Variants in CSMD1 observed in about 807,000 individuals in gnomAD.
CSMD1 encodes the protein CUB and sushi domain-containing protein 1.
In CSMD1, 213 loss-of-function variants were observed where a neutral mutation model predicts 417.5. That is an observed-to-expected ratio of 0.51 (90% CI 0.46 to 0.57). The LOEUF (loss-of-function observed/expected upper bound fraction) is 0.57. Ranked by LOEUF, CSMD1 falls within the 20% of genes least tolerant of loss-of-function variation. The pLI, the probability that CSMD1 is intolerant of heterozygous loss-of-function variation, is 0.00. For synonymous variants in CSMD1, 2,862 were observed against 1,736.8 expected (o/e 1.65, Z -16.11); for missense variants, 6,923 against 4,529.7 (o/e 1.53, Z -15.17).
At chr8:4,829,646 G>C (rs1800029510) in intron 1 of CSMD1, among the ~76,000 whole-genome samples, 1 of 151,580 alleles carries the variant, frequency 6.6e-6, no homozygotes, top group Non-Finnish European at 1.5e-5. Context: ...AGGCTGAGGA[G>C]GGGGGATCGC....
At chr8:3,958,936 T>A (rs1353054224) in intron 5 of CSMD1, among the ~76,000 whole-genome samples, 1 of 152,158 alleles carries the variant, frequency 6.6e-6, no homozygotes, top group African/African-American at 2.4e-5. Context: ...CAACTCACAT[T>A]TTTTGAGCCC....
At chr8:3,933,874 C>T (rs1336024864) in intron 5 of CSMD1, among the ~76,000 whole-genome samples, 1 of 152,028 alleles carries the variant, frequency 6.6e-6, no homozygotes, top group Non-Finnish European at 1.5e-5. Context: ...TCACATTTAA[C>T]AAAGCTTTAT....
At chr8:4,836,677 T>G (rs529347329) in intron 1 of CSMD1, among the ~76,000 whole-genome samples, 1 of 152,306 alleles carries the variant, frequency 6.6e-6, no homozygotes, top group Admixed American at 6.5e-5. Context: ...TTTAGTTTTT[T>G]ATTCATCTCG....
chr8:3,022,255 G>A (rs1375854679), intron 51 of CSMD1, among the ~76,000 whole-genome samples: 1 of 144,718 alleles, frequency 6.9e-6, no homozygotes, highest in African/African-American at 2.6e-5. Context: ...CATCTGGAAT[G>A]CACCCGCAAT....
chr8:4,921,473 G>C (rs1198350574), intron 1 of CSMD1, among the ~76,000 whole-genome samples: 1 of 152,166 alleles, frequency 6.6e-6, no homozygotes, highest in Non-Finnish European at 1.5e-5. Context: ...ACTGTCCCCT[G>C]AAAACACAGT....
intron 3 of CSMD1, among the ~76,000 whole-genome samples, chr8:4,097,914 G>C (rs562492105): frequency 7.7e-4 from 118 of 152,274 alleles, no homozygotes; most frequent in Admixed American, 1.5e-3. Context: ...GGAAGAAAAA[G>C]AGCATCATAT....
intron 7 of CSMD1, among the ~76,000 whole-genome samples, chr8:3,688,305 C>A (rs1321410981): frequency 2.6e-5 from 4 of 152,000 alleles, no homozygotes; most frequent in Admixed American, 2.6e-4. Flanking sequence ...GTGTAAAGGA[C>A]CAATTTTAAA....
At chr8:4,867,135 TATTA>T (rs1456569252) in intron 1 of CSMD1, among the ~76,000 whole-genome samples, 8 of 152,064 alleles carry the variant, frequency 5.3e-5, no homozygotes, top group Non-Finnish European at 1.2e-4. Context: ...ACTACACACA[TATTA>T]TTTATATTTA....
chr8:3,921,159 G>C (rs1456505323), intron 5 of CSMD1, among the ~76,000 whole-genome samples: 1 of 152,106 alleles, frequency 6.6e-6, no homozygotes, highest in African/African-American at 2.4e-5. Flanking sequence ...TTGACCCTTT[G>C]AGATTTTCTG....
intron 5 of CSMD1, among the ~76,000 whole-genome samples, chr8:3,995,803 AT>A (rs1441907994): frequency 6.6e-6 from 1 of 152,210 alleles, no homozygotes; most frequent in African/African-American, 2.4e-5. Context: ...AATCATGGCT[AT>A]TTGAAGAGAG....
At chr8:4,347,868 T>A (rs1459821735) in intron 3 of CSMD1, among the ~76,000 whole-genome samples, 4 of 152,054 alleles carry the variant, frequency 2.6e-5, no homozygotes, top group East Asian at 1.9e-4. Context: ...TCAGAGGTAA[T>A]TTCCAAAGTT....
intron 1 of CSMD1, among the ~76,000 whole-genome samples, chr8:4,769,016 G>A (rs556995078): frequency 6.6e-6 from 1 of 152,260 alleles, no homozygotes; most frequent in Non-Finnish European, 1.5e-5. Flanking sequence ...ATACCTGACT[G>A]TAAGGTACTA....
At chr8:3,287,606 C>G (rs1240883361) in intron 25 of CSMD1, among the ~76,000 whole-genome samples, 2 of 152,108 alleles carry the variant, frequency 1.3e-5, no homozygotes, top group East Asian at 3.9e-4. Flanking sequence ...CTCTGTTTGT[C>G]TGTTATTGGC....
At chr8:3,667,984 C>T (rs932112485) in intron 7 of CSMD1, among the ~76,000 whole-genome samples, 2 of 152,110 alleles carry the variant, frequency 1.3e-5, no homozygotes, top group South Asian at 2.1e-4. Context: ...GCCCCAATCC[C>T]GATCAATATG....
At chr8:4,396,083 C>T (rs1425083147) in intron 3 of CSMD1, among the ~76,000 whole-genome samples, 1 of 151,984 alleles carries the variant, frequency 6.6e-6, no homozygotes, top group African/African-American at 2.4e-5. Flanking sequence ...CTGTCTTATA[C>T]CATCTCCATT....
intron 4 of CSMD1, among the ~76,000 whole-genome samples, chr8:4,017,092 C>A (rs1431658816): frequency 1.3e-5 from 2 of 152,192 alleles, no homozygotes; most frequent in Non-Finnish European, 2.9e-5. Flanking sequence ...TACTCAGTGA[C>A]CGCGGTGTTC....
At chr8:3,605,325 C>T (rs1801559342) in intron 8 of CSMD1, among the ~76,000 whole-genome samples, 1 of 152,182 alleles carries the variant, frequency 6.6e-6, no homozygotes, top group Non-Finnish European at 1.5e-5. Flanking sequence ...ACCACATTTA[C>T]TCCCTGGTTT....
Position 4,209,006 on chromosome 8 carries a change from G to A in CSMD1, c.416-176907C>T, listed in dbSNP as rs115856227. ...GTGAAAGCTGCTTTCTGCTTATGCC[G>A]TGAACCATAATGAATCCAATTGTAT... On this transcript the variant is annotated intron_variant, in intron 3 of 69. Coordinates refer to ENST00000635120, the MANE Select transcript of CSMD1 (RefSeq NM_033225.6). 5.2e-3 allele frequency among the ~76,000 whole-genome samples: 790 copies of A among 152,222 alleles called. 8 individuals carry two copies. The highest frequency in any genetic ancestry group is 0.017 in the African/African-American group (697 of 41,528).
intron 1 of CSMD1, among the ~76,000 whole-genome samples, chr8:4,914,822 C>G (rs1261713748): frequency 6.6e-6 from 1 of 152,142 alleles, no homozygotes; most frequent in Non-Finnish European, 1.5e-5. Flanking sequence ...TGGCAGAGGC[C>G]TGTGGACATC....
Sources: gnomAD v4.1 joint callset for allele counts (sites outside exome capture counted in the v4.1 genomes callset) on GRCh38, gnomAD v4.1.1 for gene constraint, MANE v1.5 for transcripts, NCBI Gene and HGNC (gene_info 2026-07-23, HGNC 2026-07-21) for gene names.